PDE8B: variants seen among roughly 807,000 people sequenced by gnomAD.
PDE8B encodes high affinity cAMP-specific and IBMX-insensitive 3',5'-cyclic phosphodiesterase 8B.
In PDE8B, 26 loss-of-function variants were observed where a neutral mutation model predicts 101.3. The ratio of observed to expected loss-of-function variants is 0.26; its 90% CI spans 0.19 to 0.36. The LOEUF (loss-of-function observed/expected upper bound fraction) is 0.36. Among genes scored for constraint, PDE8B ranks in the 10% least tolerant of loss-of-function variants. The pLI is 1.00. For synonymous variants in PDE8B, 424 were observed against 429.3 expected (o/e 0.99, Z 0.15); for missense variants, 810 against 1,163.1 (o/e 0.70, Z 4.42).
intron 1 of PDE8B, among the ~76,000 whole-genome samples, chr5:77,233,308 G>A (rs1753962025): frequency 1.3e-5 from 2 of 152,076 alleles, no homozygotes; most frequent in Non-Finnish European, 2.9e-5. Flanking sequence ...TGGAAATGGT[G>A]CCACAGGCTT....
the PDE8B span, among the ~76,000 whole-genome samples, chr5:77,121,930 T>C: frequency 6.6e-6 from 1 of 152,212 alleles, no homozygotes; most frequent in South Asian, 2.1e-4. Flanking sequence ...TTAAGTCCAG[T>C]CTGCCCAGAG....
chr5:77,117,104 T>G, the PDE8B span, among the ~76,000 whole-genome samples: 1 of 152,194 alleles, frequency 6.6e-6, no homozygotes, highest in Admixed American at 6.5e-5. Flanking sequence ...CTTATAGAAA[T>G]CACCCTTCAT....
chr5:77,149,585 A>G, the PDE8B span, among the ~76,000 whole-genome samples: 1 of 152,260 alleles, frequency 6.6e-6, no homozygotes, highest in Admixed American at 6.5e-5. Context: ...AACTTTTATT[A>G]CATTTATTTC....
rs190458414 is a variant in PDE8B, at chr5:77,234,428, T to A, written c.339+23164T>A. On this transcript the variant is annotated intron_variant, in intron 1 of 21. Coordinates refer to ENST00000264917, the MANE Select transcript of PDE8B (RefSeq NM_003719.5). ...GGTGAGAGAAGGGGCCCTCCTCCCC[T>A]CGTTAATATCCTAGCCAACTCATAC... Among the ~76,000 whole-genome samples the A allele has an allele frequency of 3.8e-3, 577 of 152,192 alleles. 2 individuals carry two copies. The highest frequency in any genetic ancestry group is 0.013 in the African/African-American group (548 of 41,548).
chr5:77,121,393 A>AATG, the PDE8B span, among the ~76,000 whole-genome samples: 3 of 152,122 alleles, frequency 2.0e-5, no homozygotes, highest in Non-Finnish European at 2.9e-5. Context: ...AAAAAGTCAC[A>AATG]ATGTCTTTTA....
rs765487673 is a variant in PDE8B at position 77,404,842 on chromosome 5, A to C, written c.1288+45A>C. On this transcript the variant is annotated intron_variant, in intron 12 of 21. Transcript: ENST00000264917. ...CCTCTGACCTTTTTAAAATGTAGAA[A>C]ATGATGGAAGAATATGTTAAAAAAT... 4.1e-5 allele frequency: 50 copies of C among 1,225,916 alleles called. No individual in the cohort carries two copies. The South Asian group carries it at 4.6e-4, about 11-fold the overall frequency. The allele number at this position is 1,225,916 out of a possible 1,614,324, so 75.9% of individuals were successfully genotyped here.
At chr5:77,185,128 C>T in the PDE8B span, among the ~76,000 whole-genome samples, 9 of 152,210 alleles carry the variant, frequency 5.9e-5, no homozygotes, top group Non-Finnish European at 1.3e-4. Context: ...GAACTAGTCA[C>T]ACAGACCTCA....
intron 1 of PDE8B, among the ~76,000 whole-genome samples, chr5:77,300,624 T>C (rs1308731284): frequency 2.0e-5 from 3 of 152,160 alleles, no homozygotes; most frequent in East Asian, 1.9e-4. Context: ...ATGTAAAACA[T>C]AGTGGCCCCA....
At chr5:77,289,500 G>A (rs1449044839) in intron 1 of PDE8B, among the ~76,000 whole-genome samples, 1 of 152,232 alleles carries the variant, frequency 6.6e-6, no homozygotes, top group Non-Finnish European at 1.5e-5. Context: ...TGAAGAGAAA[G>A]CATTTTGGTG....
At chr5:77,392,169 A>G (rs1157721058) in intron 10 of PDE8B, among the ~76,000 whole-genome samples, 4 of 152,068 alleles carry the variant, frequency 2.6e-5, no homozygotes, top group Non-Finnish European at 5.9e-5. Context: ...AGAAAATCCT[A>G]TTTTCACGCT....
intron 18 of PDE8B, 89 bp from the exon 19 acceptor site, chr5:77,419,678 G>A: frequency 2.7e-6 from 4 of 1,464,478 alleles, no homozygotes; most frequent in Middle Eastern, 1.8e-4. Context: ...CTTCCTCCTA[G>A]GTTGTGAGGA....
chr5:77,132,145 G>GA, the PDE8B span, among the ~76,000 whole-genome samples: 7 of 152,178 alleles, frequency 4.6e-5, no homozygotes, highest in African/African-American at 1.7e-4. Flanking sequence ...CCCTAGGCCT[G>GA]AAAAAATTTA....
intron 10 of PDE8B, chr5:77,358,494 T>C (rs372217763): frequency 1.1e-6 from 1 of 951,788 alleles, no homozygotes. Context: ...GGGTTATGCC[T>C]CTTCGTACTT....
At chr5:77,394,871 T>A (rs1054175465) in intron 10 of PDE8B, among the ~76,000 whole-genome samples, 1 of 152,226 alleles carries the variant, frequency 6.6e-6, no homozygotes, top group Non-Finnish European at 1.5e-5. Context: ...CCAAGGGACC[T>A]GGGCACTTTG....
the PDE8B span, among the ~76,000 whole-genome samples, chr5:77,200,330 A>G: frequency 3.3e-5 from 5 of 152,360 alleles, no homozygotes; most frequent in East Asian, 9.6e-4. Context: ...AGGATCACGA[A>G]TAAAAATTTG....
chr5:77,419,333 A>G (rs1796168737), intron 18 of PDE8B, among the ~76,000 whole-genome samples: 3 of 152,180 alleles, frequency 2.0e-5, no homozygotes, highest in South Asian at 2.1e-4. Context: ...AAAGTCTTCC[A>G]ATGCCATCAT....
At chr5:77,346,781 C>A (rs554770257) in intron 7 of PDE8B, among the ~76,000 whole-genome samples, 23 of 152,200 alleles carry the variant, frequency 1.5e-4, no homozygotes, top group African/African-American at 4.8e-4. Context: ...AATGTATCAG[C>A]AATCTGTAGT....
At chr5:77,424,088 GAGA>G (rs1055572511) in intron 20 of PDE8B, among the ~76,000 whole-genome samples, 19 of 152,168 alleles carry the variant, frequency 1.2e-4, no homozygotes, top group Admixed American at 9.2e-4. Flanking sequence ...GCTTTCCAGA[GAGA>G]AGAACAGGAA....
chr5:77,245,849 GC>G (rs1216183081), intron 1 of PDE8B, among the ~76,000 whole-genome samples: 200 of 6,590 alleles, frequency 0.03, 5 homozygotes, highest in African/African-American at 0.033. Flanking sequence ...TCCCCCCCCC[GC>G]CCCCCCCCCC....
Sources: gnomAD v4.1 joint callset for allele counts (sites outside exome capture counted in the v4.1 genomes callset) on GRCh38, gnomAD v4.1.1 for gene constraint, MANE v1.5 for transcripts, NCBI Gene and HGNC (gene_info 2026-07-23, HGNC 2026-07-21) for gene names.